COQ2: variants seen among roughly 807,000 people sequenced by gnomAD.
The protein encoded by COQ2 is coenzyme Q2, polyprenyltransferase, also known as 4-hydroxybenzoate polyprenyltransferase, mitochondrial.
A neutral mutation model predicts 35.7 loss-of-function variants in COQ2; 25 were observed. That is an observed-to-expected ratio of 0.70 (90% CI 0.51 to 0.98). COQ2 has a LOEUF of 0.98. Among genes scored for constraint, COQ2 ranks in the 50% least tolerant of loss-of-function variants. The pLI, the probability that COQ2 is intolerant of heterozygous loss-of-function variation, is 0.00. For synonymous variants in COQ2, 206 were observed against 186.2 expected, an observed-to-expected ratio of 1.11 and a Z score of -0.86; for missense variants, 488 against 473.5, an observed-to-expected ratio of 1.03 and a Z score of -0.28.
chr4:83,273,673 A>C, intron 2 of COQ2, 56 bp from the exon 3 acceptor site: 7 of 1,563,054 alleles, frequency 4.5e-6, no homozygotes, highest in Non-Finnish European at 5.2e-6. Context: ...TCATTTATTT[A>C]AACATTTAAT....
chr4:83,277,005 C>T (rs1735200083), intron 2 of COQ2, among the ~76,000 whole-genome samples: 1 of 134,172 alleles, frequency 7.5e-6, no homozygotes, highest in South Asian at 2.3e-4. Flanking sequence ...CAGAGACATA[C>T]AGAGTGGAAT....
rs1054926354 is a variant in COQ2 at position 83,263,959 on chromosome 4, T to C, written c.*240A>G. The C allele has an allele frequency of 9.6e-5, 27 of 280,286 alleles. No individual in the cohort carries two copies. The highest frequency in any genetic ancestry group is 1.6e-4 in the Non-Finnish European group (25 of 152,280). The allele number at this position is 280,286 out of a possible 1,614,324, so 17.4% of individuals were successfully genotyped here. A position where few individuals can be genotyped will look rare whatever the true frequency, so the allele number is the denominator to read the frequency against. On this transcript the variant is annotated 3_prime_UTR_variant, in exon 7 of 7. Coordinates refer to ENST00000647002, the MANE Select transcript of COQ2 (RefSeq NM_001358921.2). Reference sequence around the variant, plus strand: ...CAATCCCCATAACTTCAGGTGAGAATTATAATGGGCAGAAGAATGTATCAA... The same window carrying C: ...CAATCCCCATAACTTCAGGTGAGAACTATAATGGGCAGAAGAATGTATCAA...
intron 6 of COQ2, chr4:83,266,585 A>AC (rs1446923427): frequency 6.6e-6 from 1 of 152,382 alleles, no homozygotes; most frequent in Non-Finnish European, 1.5e-5. Context: ...CAAACTCCTG[A>AC]CCTCAGGTGA....
At position 83,267,740 on chromosome 4, in the gene COQ2, G is replaced by T; in HGVS notation, c.797C>A (p.Ser266Ter). The stretch of plus-strand genomic sequence containing the variant: ...ATTTTCTCCGAACCGCAGAGCCGTT[G>T]ACTTAAGACCAATCAAAACATCATC... ...KRDDVLIGLK[S>*]TALRFGENTK... The change falls in exon 6 of 7, where the codon TCA becomes TAA. Residue 266 changes from serine to a stop codon, truncating the protein, a stop_gained. Transcript: ENST00000647002. LOFTEE classifies it high-confidence loss of function. The T allele has an allele frequency of 6.4e-7, 1 of 1,551,628 alleles. No individual in the cohort carries two copies. Among genetic ancestry groups the T allele is most frequent in the South Asian group, 1.2e-5 (1 of 83,926 alleles).
At chr4:83,273,439 A>C in intron 3 of COQ2, 57 bp downstream of exon 3, 2 of 1,523,408 alleles carry the variant, frequency 1.3e-6, no homozygotes, top group Non-Finnish European at 1.8e-6. Flanking sequence ...TTTTATTCCT[A>C]TTTTCTCCAT....
At chr4:83,274,778 C>T (rs553595913) in intron 2 of COQ2, among the ~76,000 whole-genome samples, 22 of 152,154 alleles carry the variant, frequency 1.4e-4, no homozygotes, top group Admixed American at 6.5e-5. Context: ...GCCCCAACCC[C>T]TTTCTCCTGT....
chr4:83,277,067 T>C (rs1319705481), intron 2 of COQ2, among the ~76,000 whole-genome samples: 1 of 152,002 alleles, frequency 6.6e-6, no homozygotes, highest in African/African-American at 2.4e-5. Flanking sequence ...GAGTGCAGGA[T>C]GAAATACTGC....
intron 6 of COQ2, chr4:83,266,999 A>G (rs1433827197): frequency 3.0e-6 from 1 of 334,974 alleles, no homozygotes; most frequent in Non-Finnish European, 5.8e-6. Context: ...TATCACTGAA[A>G]TTTTTCCAGA....
At chr4:83,281,045 A>G (rs1395870345) in intron 1 of COQ2, among the ~76,000 whole-genome samples, 3 of 152,180 alleles carry the variant, frequency 2.0e-5, no homozygotes, top group Non-Finnish European at 4.4e-5. Flanking sequence ...ACAGCTTCTG[A>G]CTTCCAGGCT....
At chr4:83,274,415 G>A (rs1240905333) in intron 2 of COQ2, among the ~76,000 whole-genome samples, 2 of 152,060 alleles carry the variant, frequency 1.3e-5, no homozygotes. Flanking sequence ...AGCTGGTTTC[G>A]AACTCCTGAC....
chr4:83,265,500 A>T (rs765705751), intron 6 of COQ2, among the ~76,000 whole-genome samples: 9 of 151,932 alleles, frequency 5.9e-5, no homozygotes, highest in African/African-American at 1.9e-4. Flanking sequence ...TGAAACCAGG[A>T]GGTGGTGGAG....
At chr4:83,276,353 G>T (rs1232470592) in intron 2 of COQ2, among the ~76,000 whole-genome samples, 1 of 151,932 alleles carries the variant, frequency 6.6e-6, no homozygotes, top group African/African-American at 2.4e-5. Context: ...TGGTCTGTTT[G>T]CTCTGTTGAT....
At position 83,278,966 on chromosome 4, in the gene COQ2, G is replaced by A. The variant is rs1300805911; in HGVS notation, c.402C>T (p.Asp134=). ...GAGCTINDMW[D]QDYDKKVTRT... ...AAATTACCTTTTTATCATAGTCCTGGTCCCACATGTCATTAATAGTACAGC... is the reference window on the plus strand; with the variant it reads ...AAATTACCTTTTTATCATAGTCCTGATCCCACATGTCATTAATAGTACAGC... The change falls in exon 2 of 7, where the codon GAC becomes GAT. Residue 134 remains aspartate (D), a synonymous_variant. Transcript: ENST00000647002. The A allele has an allele frequency of 1.9e-6, 3 of 1,599,212 alleles. No individual in the cohort carries two copies. The highest frequency in any genetic ancestry group is 2.7e-5 in the African/African-American group (2 of 74,248).
intron 2 of COQ2, among the ~76,000 whole-genome samples, chr4:83,274,152 C>CAAAT (rs1365950077): frequency 2.8e-4 from 43 of 151,882 alleles, no homozygotes; most frequent in South Asian, 6.3e-4. Flanking sequence ...AACCCTGTGT[C>CAAAT]AAATAAATAA....
chr4:83,267,496 T>G, intron 6 of COQ2, 90 bp downstream of exon 6: 1 of 1,207,694 alleles, frequency 8.3e-7, no homozygotes. Context: ...AGAAGTTCCT[T>G]GCCAGGTAAA....
chr4:83,271,105 GAA>G (rs1735037439), intron 4 of COQ2, among the ~76,000 whole-genome samples: 2 of 152,100 alleles, frequency 1.3e-5, no homozygotes, highest in African/African-American at 4.8e-5. Flanking sequence ...GAATAGAATA[GAA>G]AAGTCTGGGA....
At position 83,279,962 on chromosome 4, in the gene COQ2, G is replaced by A. The variant is rs143200580; in HGVS notation, c.254-848C>T. Among the ~76,000 whole-genome samples, 969 of 147,610 alleles carry A rather than the reference G, an allele frequency of 6.6e-3. 6 individuals are homozygous for A. The highest frequency in any genetic ancestry group is 0.022 in the African/African-American group (903 of 40,424). On this transcript the variant is annotated intron_variant, in intron 1 of 6. Transcript: ENST00000647002. ...TGTGGCTTCAAACTCCTGAGCTCAA[G>A]TGATCCTCCTGCCTCCGCCTCCCCA... is the stretch of plus-strand genomic sequence containing the variant.
At chr4:83,273,978 T>TACA (rs1735107702) in intron 2 of COQ2, among the ~76,000 whole-genome samples, 2 of 37,138 alleles carry the variant, frequency 5.4e-5, no homozygotes, top group Non-Finnish European at 9.7e-5. Context: ...GCGCTGTCTC[T>TACA]ACAAAAAAAA....
At chr4:83,265,928 G>A (rs7684764) in intron 6 of COQ2, among the ~76,000 whole-genome samples, 68,370 of 151,990 alleles carry the variant, frequency 0.45, 17,914 homozygotes, top group African/African-American at 0.74. Flanking sequence ...GCCTCCCAAA[G>A]TGTTGGGATT....
Sources: gnomAD v4.1 joint callset for allele counts (sites outside exome capture counted in the v4.1 genomes callset) on GRCh38, gnomAD v4.1.1 for gene constraint, MANE v1.5 for transcripts, NCBI Gene and HGNC (gene_info 2026-07-23, HGNC 2026-07-21) for gene names.